The following USH2A variants were observed in gnomAD, a reference collection of about 807,000 sequenced individuals.
The protein encoded by USH2A is usherin.
In USH2A, 443 loss-of-function variants were observed where a neutral mutation model predicts 538.9. The ratio of observed to expected loss-of-function variants is 0.82; its 90% confidence interval spans 0.76 to 0.89. The LOEUF is 0.89. USH2A is among the 40% of genes least tolerant of loss of function. The probability of loss-of-function intolerance (pLI) is 0.00; values close to 1 mark genes in which losing one functional copy is unlikely to be tolerated. For missense variants in USH2A, 6,633 were observed against 6,324.8 expected (o/e 1.05, Z -1.65); for synonymous variants, 2,413 against 2,273.5 (o/e 1.06, Z -1.75).
chr1:215,797,930 G>T (rs1397532200), intron 50 of USH2A, among the ~76,000 whole-genome samples: 1 of 152,102 alleles, frequency 6.6e-6, no homozygotes, highest in Non-Finnish European at 1.5e-5. Context: ...AAAGTAAATT[G>T]AAAACCTGGA....
At chr1:216,228,472 A>G (rs907725378) in intron 14 of USH2A, among the ~76,000 whole-genome samples, 1 of 152,144 alleles carries the variant, frequency 6.6e-6, no homozygotes, top group Non-Finnish European at 1.5e-5. Flanking sequence ...GGAGTAACAC[A>G]GTGAGAGGTG....
At chr1:215,740,664 T>C (rs775823493) in intron 60 of USH2A, among the ~76,000 whole-genome samples, 24 of 152,220 alleles carry the variant, frequency 1.6e-4, no homozygotes, top group Admixed American at 7.2e-4. Flanking sequence ...GTCTTGTATC[T>C]GGTTTCCTCT....
chr1:215,837,798 A>T (rs1186300383), intron 47 of USH2A, among the ~76,000 whole-genome samples, 193 bp downstream of exon 47: 2 of 152,250 alleles, frequency 1.3e-5, no homozygotes, highest in African/African-American at 2.4e-5. Flanking sequence ...CAATCAGGGA[A>T]ATTAAAGATT....
intron 35 of USH2A, among the ~76,000 whole-genome samples, chr1:215,976,925 T>A (rs1191642944): frequency 6.6e-6 from 1 of 152,002 alleles, no homozygotes; most frequent in Non-Finnish European, 1.5e-5. Context: ...TTTAGTAGAA[T>A]CATTACCAAC....
At chr1:215,945,751 T>A (rs1666745120) in intron 37 of USH2A, among the ~76,000 whole-genome samples, 1 of 152,064 alleles carries the variant, frequency 6.6e-6, no homozygotes, top group Non-Finnish European at 1.5e-5. Context: ...TTGGGGGAGA[T>A]GATCAGAAAG....
In USH2A at chr1:215,780,033, T is replaced by A. The variant is rs747834026; in HGVS notation, c.10749A>T (p.Ala3583=). The change falls in exon 55 of 72, where the codon GCA becomes GCT. Residue 3583 remains alanine, a synonymous_variant. Transcript: ENST00000307340. ...TCTCCGGAACTCCTTGGGTAGTAGC[T>A]GCAACTACCTGAAGACGTAGGAATT... The part of the protein sequence containing the change: ...AGCATSSKVV[A]ATTQGVPESI... 1 of 1,614,108 alleles carries A rather than the reference T, an allele frequency of 6.2e-7. No homozygotes were observed. The highest frequency in any genetic ancestry group is 8.5e-7 in the Non-Finnish European group (1 of 1,179,998).
chr1:216,290,489 A>G (rs2036981295), intron 10 of USH2A, among the ~76,000 whole-genome samples: 1 of 152,172 alleles, frequency 6.6e-6, no homozygotes, highest in Non-Finnish European at 1.5e-5. Context: ...GTAGTAAACT[A>G]AATACACAAT....
intron 43 of USH2A, among the ~76,000 whole-genome samples, chr1:215,876,569 G>A (rs34007298): frequency 0.33 from 50,483 of 151,996 alleles, 8,767 homozygotes; most frequent in Admixed American, 0.46. Flanking sequence ...CACGAAGACC[G>A]CACCCCTGCC....
intron 34 of USH2A, among the ~76,000 whole-genome samples, chr1:215,998,519 T>G (rs1668188621): frequency 6.6e-6 from 1 of 152,120 alleles, no homozygotes; most frequent in African/African-American, 2.4e-5. Flanking sequence ...TACTGTGCAT[T>G]GTTTTTTAAA....
chr1:215,801,097 T>C (rs1662316822), intron 49 of USH2A, among the ~76,000 whole-genome samples: 1 of 152,100 alleles, frequency 6.6e-6, no homozygotes, highest in Non-Finnish European at 1.5e-5. Flanking sequence ...TCTTTCATTA[T>C]AAATCCACTC....
chr1:216,414,735 G>A (rs2039548960), intron 3 of USH2A, among the ~76,000 whole-genome samples: 1 of 152,000 alleles, frequency 6.6e-6, no homozygotes. Context: ...CACATGCACA[G>A]AAACACACAC....
chr1:216,017,981 C>T (rs528497316), intron 32 of USH2A, among the ~76,000 whole-genome samples: 13 of 152,234 alleles, frequency 8.5e-5, no homozygotes, highest in Middle Eastern at 6.8e-3. Context: ...GGCATAGTCT[C>T]ATGCTACCCT....
At chr1:216,320,411 C>T (rs1467983143) in intron 9 of USH2A, among the ~76,000 whole-genome samples, 1 of 152,150 alleles carries the variant, frequency 6.6e-6, no homozygotes, top group Non-Finnish European at 1.5e-5. Context: ...TCCTGTACAG[C>T]AATGCAAACA....
chr1:215,860,433 A>C (rs1664285868), intron 44 of USH2A, among the ~76,000 whole-genome samples: 1 of 152,204 alleles, frequency 6.6e-6, no homozygotes. Flanking sequence ...CAAAAGAAAA[A>C]AAGTATTTCA....
intron 16 of USH2A, among the ~76,000 whole-genome samples, chr1:216,204,955 C>T (rs888427495): frequency 6.6e-6 from 1 of 152,038 alleles, no homozygotes; most frequent in Non-Finnish European, 1.5e-5. Context: ...ATATAAATGT[C>T]TGATTAGTGA....
chr1:215,673,970 T>C, intron 63 of USH2A, 130 bp downstream of exon 63: 1 of 1,520,330 alleles, frequency 6.6e-7, no homozygotes, highest in Non-Finnish European at 9.1e-7. Context: ...ACTATGCACG[T>C]TTAGGTGGAT....
chr1:215,878,207 AAGTT>A (rs1254060447), intron 42 of USH2A, among the ~76,000 whole-genome samples: 2 of 152,202 alleles, frequency 1.3e-5, no homozygotes, highest in Admixed American at 6.6e-5. Flanking sequence ...AAAGCTTATC[AAGTT>A]AATGGTTTCC....
At chr1:216,146,343 T>A (rs975897369) in intron 21 of USH2A, among the ~76,000 whole-genome samples, 1 of 152,218 alleles carries the variant, frequency 6.6e-6, no homozygotes, top group Non-Finnish European at 1.5e-5. Flanking sequence ...AAAAGAGACA[T>A]GTTTTATCCG....
intron 60 of USH2A, among the ~76,000 whole-genome samples, chr1:215,731,378 A>C (rs1351468857): frequency 6.6e-6 from 1 of 152,230 alleles, no homozygotes. Flanking sequence ...TTTAGAGCAG[A>C]AGTGGTTGAG....
Sources: gnomAD v4.1 joint callset for allele counts (sites outside exome capture counted in the v4.1 genomes callset) on GRCh38, gnomAD v4.1.1 for gene constraint, MANE v1.5 for transcripts, NCBI Gene and HGNC (gene_info 2026-07-23, HGNC 2026-07-21) for gene names.